Variants in MAP2K4 observed in about 807,000 individuals in gnomAD.
MAP2K4 encodes the protein dual specificity mitogen-activated protein kinase kinase 4.
A neutral mutation model predicts 48.5 loss-of-function variants in MAP2K4; 4 were observed. The ratio of observed to expected loss-of-function variants is 0.08; its 90% CI spans 0.04 to 0.19. The LOEUF (loss-of-function observed/expected upper bound fraction) is 0.19, where lower values mean the gene tolerates loss of function less well. MAP2K4 is among the 10% of genes least tolerant of loss of function. MAP2K4 has a pLI of 1.00. For missense variants in MAP2K4, 258 were observed against 493.3 expected, an observed-to-expected ratio of 0.52 and a Z score of 4.52; for synonymous variants, 166 against 173.1, an observed-to-expected ratio of 0.96 and a Z score of 0.32.
chr17:12,026,482 A>G (rs1969256371), intron 1 of MAP2K4, among the ~76,000 whole-genome samples: 1 of 152,240 alleles, frequency 6.6e-6, no homozygotes, highest in Non-Finnish European at 1.5e-5. Flanking sequence ...GTAACAGTTA[A>G]CAACTTTTTT....
intron 3 of MAP2K4, among the ~76,000 whole-genome samples, chr17:12,083,679 G>A (rs1236378313): frequency 6.6e-6 from 1 of 152,172 alleles, no homozygotes; most frequent in Non-Finnish European, 1.5e-5. Flanking sequence ...ACCAATTGAT[G>A]ACAGATGTAT....
At chr17:12,023,480 C>T (rs1167484127) in intron 1 of MAP2K4, among the ~76,000 whole-genome samples, 3 of 152,126 alleles carry the variant, frequency 2.0e-5, no homozygotes, top group African/African-American at 7.2e-5. Context: ...CATTCCTTCT[C>T]CCCCAATCTA....
chr17:12,060,996 C>T (rs780685488), intron 2 of MAP2K4, among the ~76,000 whole-genome samples: 1 of 152,046 alleles, frequency 6.6e-6, no homozygotes, highest in South Asian at 2.1e-4. Flanking sequence ...CTAGCCCTGG[C>T]GCCCACCATT....
chr17:12,045,245 T>C (rs1969927368), intron 1 of MAP2K4, among the ~76,000 whole-genome samples: 1 of 152,232 alleles, frequency 6.6e-6, no homozygotes, highest in Non-Finnish European at 1.5e-5. Flanking sequence ...AAAATATTGA[T>C]GTTATAGTTA....
At chr17:12,068,425 G>A (rs1196496372) in intron 2 of MAP2K4, among the ~76,000 whole-genome samples, 1 of 152,108 alleles carries the variant, frequency 6.6e-6, no homozygotes, top group Non-Finnish European at 1.5e-5. Flanking sequence ...TGGTAATGTA[G>A]GTAAAGCGTA....
rs1973412423 is a variant in MAP2K4, at chr17:12,142,801, C to G, written c.*1541C>G. 4.3e-6 allele frequency: 1 copy of G among 232,750 alleles called. No individual in the cohort carries two copies. Among genetic ancestry groups the G allele is most frequent in the Non-Finnish European group, 8.5e-6 (1 of 117,784 alleles). The allele number at this position is 232,750 out of a possible 1,614,324, so 14.4% of individuals were successfully genotyped here. ...TCTCATTAGGTTTTGCTTGGGCCTCCCTGGCACTGAACCTTAGGCTTTGTA... is the reference window on the plus strand; with the variant it reads ...TCTCATTAGGTTTTGCTTGGGCCTCGCTGGCACTGAACCTTAGGCTTTGTA... On this transcript the variant is annotated 3_prime_UTR_variant, in exon 11 of 11. Transcript: ENST00000353533.
At chr17:12,049,694 A>G (rs1246846904) in intron 1 of MAP2K4, among the ~76,000 whole-genome samples, 1 of 152,214 alleles carries the variant, frequency 6.6e-6, no homozygotes, top group Non-Finnish European at 1.5e-5. Flanking sequence ...TAAAGGGCTT[A>G]GATTTGGAAG....
chr17:12,091,342 G>T (rs1401553052), intron 3 of MAP2K4, among the ~76,000 whole-genome samples: 1 of 152,182 alleles, frequency 6.6e-6, no homozygotes, highest in African/African-American at 2.4e-5. Context: ...ATATGATTGG[G>T]ACTGTTCACC....
chr17:12,123,281 G>A (rs1037034222), intron 7 of MAP2K4, among the ~76,000 whole-genome samples: 1 of 152,188 alleles, frequency 6.6e-6, no homozygotes, highest in Non-Finnish European at 1.5e-5. Context: ...CATTCATTAA[G>A]TAACATAGTT....
intron 1 of MAP2K4, among the ~76,000 whole-genome samples, chr17:12,045,755 G>A (rs1969940730): frequency 6.6e-6 from 1 of 152,174 alleles, no homozygotes; most frequent in Admixed American, 6.5e-5. Flanking sequence ...GTATTGCAAA[G>A]TAAGAGACCA....
chr17:12,073,888 C>T (rs1597439646), intron 2 of MAP2K4, among the ~76,000 whole-genome samples: 1 of 152,006 alleles, frequency 6.6e-6, no homozygotes, highest in Middle Eastern at 3.4e-3. Context: ...ATTCTACTGC[C>T]TCAGCCTCCC....
At chr17:12,029,816 G>T (rs1421291540) in intron 1 of MAP2K4, among the ~76,000 whole-genome samples, 1 of 151,898 alleles carries the variant, frequency 6.6e-6, no homozygotes, top group Non-Finnish European at 1.5e-5. Flanking sequence ...GCTTGCACCT[G>T]CTGAGATGAG....
chr17:12,021,199 A>C, intron 1 of MAP2K4, 198 bp downstream of exon 1: 1 of 328,204 alleles, frequency 3.0e-6, no homozygotes, highest in Non-Finnish European at 5.5e-6. Flanking sequence ...CGGCCCGCAT[A>C]GGCCCCGGCC....
rs1206163997 is a variant in MAP2K4, at chr17:12,109,135, ATAAT to A, written c.633+1231_634-1232del. On this transcript the variant is annotated intron_variant, in intron 5 of 10. Coordinates refer to ENST00000353533, the MANE Select transcript of MAP2K4 (RefSeq NM_003010.4). ...TAAATCTGAAGCATAGACAGATTAA[ATAAT>A]TAATATGCTTTGAAGTGTGTAAGTG... 7.2e-5 allele frequency among the ~76,000 whole-genome samples: 11 copies of A among 152,308 alleles called. No individual in the cohort carries two copies. The South Asian group carries it at 2.1e-3, about 29-fold the overall frequency.
chr17:12,039,389 T>C (rs184912819), intron 1 of MAP2K4, among the ~76,000 whole-genome samples: 1 of 152,334 alleles, frequency 6.6e-6, no homozygotes, highest in Non-Finnish European at 1.5e-5. Flanking sequence ...TTGAAAACTT[T>C]TAATAGTAGA....
chr17:12,125,171 C>A, intron 7 of MAP2K4, 123 bp from the exon 8 acceptor site: 1 of 706,990 alleles, frequency 1.4e-6, no homozygotes, highest in Non-Finnish European at 2.6e-6. Context: ...TCCATTCTGA[C>A]GCTAGACATG....
At chr17:12,035,736 G>A (rs1969573865) in intron 1 of MAP2K4, among the ~76,000 whole-genome samples, 1 of 152,118 alleles carries the variant, frequency 6.6e-6, no homozygotes, top group Admixed American at 6.5e-5. Flanking sequence ...GGGGCAAAGA[G>A]CATGAAATTA....
rs548751400 is a variant in MAP2K4, at chr17:12,030,795, A to G, written c.115+9794A>G. ...TTTCACCTCTTTCTTTTTGCTACCT[A>G]GTAACAGTCAATCAGGGTATTTTGC... On this transcript the variant is annotated intron_variant, in intron 1 of 10. Transcript: ENST00000353533. Among the ~76,000 whole-genome samples, 43 of 152,122 alleles carry G rather than the reference A, an allele frequency of 2.8e-4. 1 individual carries two copies. The highest frequency in any genetic ancestry group is 1.0e-3 in the African/African-American group (42 of 41,484).
In MAP2K4 at chr17:12,128,428, A is replaced by G. The variant is rs534822795; in HGVS notation, c.892-711A>G. ...AGAACAGAAAGGGAGATAGATGAGA[A>G]TACGATTCACTGGTTATTAGAGAAT... is the stretch of plus-strand genomic sequence containing the variant. On this transcript the variant is annotated intron_variant, in intron 8 of 10. Coordinates refer to ENST00000353533, the MANE Select transcript of MAP2K4 (RefSeq NM_003010.4). Among the ~76,000 whole-genome samples, 23 of 152,308 alleles carry G rather than the reference A, an allele frequency of 1.5e-4. No homozygotes were observed. In the South Asian group the frequency reaches 2.5e-3, roughly 16 times the overall value.
Sources: gnomAD v4.1 joint callset for allele counts (sites outside exome capture counted in the v4.1 genomes callset) on GRCh38, gnomAD v4.1.1 for gene constraint, MANE v1.5 for transcripts, NCBI Gene and HGNC (gene_info 2026-07-23, HGNC 2026-07-21) for gene names.